Variants in GSE1 observed in about 807,000 individuals in gnomAD.
GSE1 encodes the protein genetic suppressor element 1.
In GSE1, 32 loss-of-function variants were observed where a neutral mutation model predicts 112.6. That is an observed-to-expected ratio of 0.28 (90% CI 0.21 to 0.38). The LOEUF (loss-of-function observed/expected upper bound fraction) is 0.38, where lower values mean the gene tolerates loss of function less well. Ranked by LOEUF, GSE1 falls within the 10% of genes least tolerant of loss-of-function variation. The probability of loss-of-function intolerance (pLI) is 1.00; values close to 1 mark genes in which losing one functional copy is unlikely to be tolerated. For missense variants in GSE1, 2,348 were observed against 1,699.2 expected (o/e 1.38, Z -6.71); for synonymous variants, 1,115 against 735.6 (o/e 1.52, Z -8.35).
chr16:85,421,921 CTGAGGGCTTTCGAAGGG>C (rs1341768380), intron 2 of GSE1, among the ~76,000 whole-genome samples: 1 of 152,160 alleles, frequency 6.6e-6, no homozygotes, highest in Non-Finnish European at 1.5e-5. Context: ...CAGGCCCATG[CTGAGGGCTTTCGAAGGG>C]ATCCCGTTCA....
intron 14 of GSE1, 41 bp downstream of exon 14, chr16:85,668,465 A>T (rs1411688104): frequency 1.5e-6 from 2 of 1,367,096 alleles, no homozygotes; most frequent in Non-Finnish European, 1.0e-6. Flanking sequence ...GGGTCAGGAA[A>T]GTACCTTTGG....
chr16:85,410,971 A>G (rs74567010), intron 2 of GSE1, among the ~76,000 whole-genome samples: 43 of 75,782 alleles, frequency 5.7e-4, no homozygotes, highest in East Asian at 1.1e-3. Flanking sequence ...CCTCACTGTT[A>G]CACTCAGGGC....
At chr16:85,312,216 G>GA (rs1313258287) in intron 1 of GSE1, among the ~76,000 whole-genome samples, 2 of 150,596 alleles carry the variant, frequency 1.3e-5, no homozygotes, top group Non-Finnish European at 3.0e-5. Context: ...GGGGGGGGGG[G>GA]GACACACTTA....
intron 1 of GSE1, among the ~76,000 whole-genome samples, chr16:85,615,237 TC>T (rs1413830934): frequency 6.6e-6 from 1 of 152,172 alleles, no homozygotes; most frequent in Non-Finnish European, 1.5e-5. Context: ...GGGCGCAGGC[TC>T]CGACGGCGAA....
intron 2 of GSE1, among the ~76,000 whole-genome samples, chr16:85,487,122 C>T (rs893332923): frequency 1.3e-5 from 2 of 152,112 alleles, no homozygotes; most frequent in African/African-American, 4.8e-5. Context: ...GCTCTCTGTC[C>T]AGTTGGGAAA....
intron 2 of GSE1, among the ~76,000 whole-genome samples, chr16:85,543,084 G>A (rs1271516206): frequency 6.6e-6 from 1 of 152,050 alleles, no homozygotes; most frequent in Non-Finnish European, 1.5e-5. Context: ...AAATTAGCCA[G>A]GTGCAGTGGC....
chr16:85,433,481 C>G (rs530006476), intron 2 of GSE1, among the ~76,000 whole-genome samples: 2 of 152,262 alleles, frequency 1.3e-5, no homozygotes, highest in African/African-American at 4.8e-5. Context: ...CCTCTGCTGC[C>G]CACTCACTGT....
At chr16:85,497,026 G>A (rs1166830134) in intron 2 of GSE1, among the ~76,000 whole-genome samples, 6 of 152,072 alleles carry the variant, frequency 3.9e-5, no homozygotes, top group South Asian at 4.1e-4. Context: ...AGCCTCCCGA[G>A]TAGCTGGGAT....
At chr16:85,243,033 G>C (rs561826594) in intron 1 of GSE1, among the ~76,000 whole-genome samples, 126 of 152,142 alleles carry the variant, frequency 8.3e-4, no homozygotes, top group African/African-American at 2.9e-3. Flanking sequence ...GGCTGGTCAC[G>C]GACTCCTAGG....
chr16:85,526,266 A>G (rs1461291167), intron 2 of GSE1, among the ~76,000 whole-genome samples: 1 of 152,256 alleles, frequency 6.6e-6, no homozygotes, highest in African/African-American at 2.4e-5. Flanking sequence ...ACAGTCCCTC[A>G]ACATAGGGAC....
At chr16:85,334,048 T>G (rs951645415) in intron 1 of GSE1, among the ~76,000 whole-genome samples, 71 of 152,224 alleles carry the variant, frequency 4.7e-4, no homozygotes, top group African/African-American at 1.7e-3. Flanking sequence ...ACGGGGCCTC[T>G]GCTTTCCTCA....
intron 2 of GSE1, among the ~76,000 whole-genome samples, chr16:85,407,332 G>GA (rs1555581083): frequency 5.1e-5 from 1 of 19,554 alleles, no homozygotes; most frequent in South Asian, 2.1e-3. Flanking sequence ...TTACTCTCAG[G>GA]CCCCCCGGAT....
intron 1 of GSE1, among the ~76,000 whole-genome samples, chr16:85,210,655 C>A (rs1431701971): frequency 6.6e-6 from 1 of 151,974 alleles, no homozygotes; most frequent in Non-Finnish European, 1.5e-5. Flanking sequence ...GTACACGTGT[C>A]CTGATTCCAG....
At chr16:85,665,553 T>G (rs1598689740) in intron 12 of GSE1, among the ~76,000 whole-genome samples, 2 of 151,672 alleles carry the variant, frequency 1.3e-5, no homozygotes, top group South Asian at 4.2e-4. Flanking sequence ...CACTCTGCCC[T>G]CTGGGCCCTG....
At chr16:85,579,002 G>T (rs553109829) in intron 1 of GSE1, among the ~76,000 whole-genome samples, 30 of 152,254 alleles carry the variant, frequency 2.0e-4, no homozygotes, top group Admixed American at 9.2e-4. Flanking sequence ...CACAGCAGGC[G>T]CTTAATCAAT....
intron 1 of GSE1, among the ~76,000 whole-genome samples, chr16:85,346,542 G>A (rs551177731): frequency 0.017 from 2,488 of 150,740 alleles, 70 homozygotes; most frequent in African/African-American, 0.058. Context: ...GATGATAGGC[G>A]GGTGGATGGG....
chr16:85,464,539 C>G (rs544450725), intron 2 of GSE1, among the ~76,000 whole-genome samples: 4 of 152,344 alleles, frequency 2.6e-5, no homozygotes. Context: ...GCTGTGTGAC[C>G]TTGGCCTGGT....
chr16:85,270,655 C>T (rs1908737379), intron 1 of GSE1, among the ~76,000 whole-genome samples: 1 of 148,802 alleles, frequency 6.7e-6, no homozygotes, highest in Non-Finnish European at 1.5e-5. Flanking sequence ...CTCTGTCCTG[C>T]GTGCGGCCTT....
intron 1 of GSE1, among the ~76,000 whole-genome samples, chr16:85,343,500 G>A (rs1258108470): frequency 6.6e-6 from 1 of 152,104 alleles, no homozygotes; most frequent in East Asian, 1.9e-4. Context: ...TGTAATCCTA[G>A]AATTTTGGGA....
Sources: gnomAD v4.1 joint callset for allele counts (sites outside exome capture counted in the v4.1 genomes callset) on GRCh38, gnomAD v4.1.1 for gene constraint, MANE v1.5 for transcripts, NCBI Gene and HGNC (gene_info 2026-07-23, HGNC 2026-07-21) for gene names.